NDST4: variants seen among roughly 807,000 people sequenced by gnomAD.
The protein encoded by NDST4 is N-heparan sulfate sulfotransferase 4.
A neutral mutation model predicts 100.8 loss-of-function variants in NDST4; 63 were observed. The observed-to-expected ratio is 0.62, with a 90% CI of 0.51 to 0.77. The LOEUF is 0.77. Among genes scored for constraint, NDST4 ranks in the 30% least tolerant of loss-of-function variants. The probability of loss-of-function intolerance (pLI) is 0.00; values close to 1 mark genes in which losing one functional copy is unlikely to be tolerated. For missense variants in NDST4, 943 were observed against 1,018.4 expected, an observed-to-expected ratio of 0.93 and a Z score of 1.01; for synonymous variants, 377 against 361.8, an observed-to-expected ratio of 1.04 and a Z score of -0.48.
chr4:115,049,206 C>A (rs1379811772), intron 2 of NDST4, among the ~76,000 whole-genome samples: 1 of 151,902 alleles, frequency 6.6e-6, no homozygotes, highest in Non-Finnish European at 1.5e-5. Context: ...AGATGATAAA[C>A]CTTCAGCATG....
chr4:115,092,815 A>G (rs1312678913), intron 1 of NDST4, among the ~76,000 whole-genome samples: 1 of 152,222 alleles, frequency 6.6e-6, no homozygotes, highest in African/African-American at 2.4e-5. Context: ...CCTACAGCAC[A>G]TAAGACTAGT....
chr4:114,937,836 C>T (rs1186535360), intron 4 of NDST4, among the ~76,000 whole-genome samples: 1 of 145,164 alleles, frequency 6.9e-6, no homozygotes, highest in Non-Finnish European at 1.5e-5. Flanking sequence ...TGAGGAAGCG[C>T]TCAAATATGA....
chr4:114,997,906 T>A (rs534886970), intron 2 of NDST4, among the ~76,000 whole-genome samples: 2 of 152,160 alleles, frequency 1.3e-5, no homozygotes, highest in South Asian at 2.1e-4. Flanking sequence ...TAAACTTGCA[T>A]CTTTTTGAAG....
Position 115,077,056 on chromosome 4 carries a change from G to A in NDST4, c.-20C>T. On this transcript the variant is annotated 5_prime_UTR_variant, in exon 2 of 14. Transcript: ENST00000264363. ...ATTCATTTTTTAGAATAATGTTTTG[G>A]AAGCTTTTTCCCAATTTCGTTTCCT... 1 of 1,564,178 alleles carries A rather than the reference G, an allele frequency of 6.4e-7. No individual in the cohort carries two copies. The highest frequency in any genetic ancestry group is 2.3e-5 in the East Asian group (1 of 44,230).
intron 4 of NDST4, among the ~76,000 whole-genome samples, chr4:114,964,925 C>T (rs1029041897): frequency 6.6e-6 from 1 of 152,138 alleles, no homozygotes; most frequent in African/African-American, 2.4e-5. Flanking sequence ...TCACGTGTTA[C>T]AGAATTTCCT....
At chr4:114,957,678 C>T (rs1450157208) in intron 4 of NDST4, among the ~76,000 whole-genome samples, 2 of 152,188 alleles carry the variant, frequency 1.3e-5, no homozygotes, top group East Asian at 3.8e-4. Flanking sequence ...CCCCTTCCAT[C>T]TATGACGGTA....
intron 1 of NDST4, among the ~76,000 whole-genome samples, chr4:115,101,387 G>A (rs1307506838): frequency 6.6e-6 from 1 of 151,912 alleles, no homozygotes; most frequent in South Asian, 2.1e-4. Flanking sequence ...TTCTTTGCAG[G>A]AAGTGTAAGT....
intron 2 of NDST4, among the ~76,000 whole-genome samples, chr4:115,007,723 C>G (rs1727453399): frequency 2.3e-5 from 3 of 129,478 alleles, no homozygotes; most frequent in Non-Finnish European, 5.0e-5. Flanking sequence ...ACCTCATTAG[C>G]TGATATCTGC....
intron 2 of NDST4, among the ~76,000 whole-genome samples, chr4:115,044,302 GAGA>G (rs1240215606): frequency 6.6e-6 from 1 of 152,040 alleles, no homozygotes; most frequent in Non-Finnish European, 1.5e-5. Flanking sequence ...CTAAAATTAA[GAGA>G]AGATTAAAGA....
chr4:114,966,806 T>TA (rs1726392777), intron 4 of NDST4, among the ~76,000 whole-genome samples: 1 of 152,130 alleles, frequency 6.6e-6, no homozygotes, highest in Non-Finnish European at 1.5e-5. Context: ...CACAGAATTT[T>TA]AAAACTGAAA....
At chr4:114,835,642 C>T (rs796964429) in intron 11 of NDST4, among the ~76,000 whole-genome samples, 3 of 152,166 alleles carry the variant, frequency 2.0e-5, no homozygotes, top group African/African-American at 7.2e-5. Context: ...TCCATTTAGT[C>T]CAGAGCTGAG....
chr4:115,068,294 AAT>A (rs1728995341), intron 2 of NDST4, among the ~76,000 whole-genome samples: 1 of 152,122 alleles, frequency 6.6e-6, no homozygotes, highest in Admixed American at 6.6e-5. Flanking sequence ...GACATCAGTA[AAT>A]TACTTGTATC....
At chr4:114,932,460 G>T (rs544088055) in intron 6 of NDST4, among the ~76,000 whole-genome samples, 4 of 151,866 alleles carry the variant, frequency 2.6e-5, no homozygotes, top group Admixed American at 1.3e-4. Flanking sequence ...CACCCTAACT[G>T]CTTCTATTCA....
At chr4:114,945,140 C>T (rs1725833190) in intron 4 of NDST4, among the ~76,000 whole-genome samples, 1 of 133,570 alleles carries the variant, frequency 7.5e-6, no homozygotes, top group South Asian at 2.3e-4. Context: ...ACCTGAGAGG[C>T]CGGGTTGTGG....
At chr4:114,924,150 T>G (rs1430658743) in intron 6 of NDST4, among the ~76,000 whole-genome samples, 1 of 152,156 alleles carries the variant, frequency 6.6e-6, no homozygotes, top group Non-Finnish European at 1.5e-5. Context: ...CTTGATATTC[T>G]GAACTACTCA....
intron 2 of NDST4, among the ~76,000 whole-genome samples, chr4:115,022,378 C>CATGTGTTCCATAT (rs1727860982): frequency 1.1e-4 from 2 of 18,758 alleles, no homozygotes; most frequent in African/African-American, 2.0e-4. Context: ...GTTCCATGTA[C>CATGTGTTCCATAT]ATATGTGTTC....
intron 2 of NDST4, among the ~76,000 whole-genome samples, chr4:115,024,637 C>T (rs1211728954): frequency 6.6e-6 from 1 of 152,124 alleles, no homozygotes; most frequent in Non-Finnish European, 1.5e-5. Flanking sequence ...CCTTGAGTCT[C>T]ACCCATTTCT....
In NDST4 at chr4:114,937,380, C is replaced by T. The variant is rs1329764772; in HGVS notation, c.1345G>A (p.Glu449Lys). The change falls in exon 5 of 14, where the codon GAA (glutamate) becomes AAA (lysine). Residue 449 changes from glutamate (E) to lysine (K), a missense_variant. Coordinates refer to ENST00000264363, the MANE Select transcript of NDST4 (RefSeq NM_022569.3). ...GCAGGTTTCAGATGTGGATATTCTT[C>T]AGTGCTGGTGACTTGAATACCCCAG... ...KVWGIQVTST[E>K]EYPHLKPARY... The T allele has an allele frequency of 6.2e-7, 1 of 1,614,116 alleles. No individual in the cohort carries two copies.
At chr4:115,073,400 T>C (rs1357602484) in intron 2 of NDST4, among the ~76,000 whole-genome samples, 1 of 152,008 alleles carries the variant, frequency 6.6e-6, no homozygotes. Context: ...ATAGCCAAGA[T>C]ATAGAATCAG....
Sources: allele counts gnomAD v4.1 joint callset (sites outside exome capture counted in the v4.1 genomes callset), GRCh38; gene constraint gnomAD v4.1.1; transcripts MANE v1.5; gene names NCBI Gene and HGNC (gene_info 2026-07-23, HGNC 2026-07-21).